The following SLC9A9 variants were observed in gnomAD, a reference collection of about 807,000 sequenced individuals.
SLC9A9 encodes sodium/hydrogen exchanger 9.
Under a neutral mutation model 77.8 loss-of-function variants are expected in SLC9A9, and 62 were observed. The ratio of observed to expected loss-of-function variants is 0.80; its 90% CI spans 0.65 to 0.98. The LOEUF is 0.98. Ranked by LOEUF, SLC9A9 falls within the 50% of genes least tolerant of loss-of-function variation. The probability of loss-of-function intolerance (pLI) is 0.00; values close to 1 mark genes in which losing one functional copy is unlikely to be tolerated. For synonymous variants in SLC9A9, 320 were observed against 283.5 expected (o/e 1.13, Z -1.29); for missense variants, 775 against 774.9 (o/e 1.00, Z 0.00).
In SLC9A9 at chr3:143,445,207, A is replaced by G. The variant is rs200077213; in HGVS notation, c.1469+21830T>C. On this transcript the variant is annotated intron_variant, in intron 12 of 15. Transcript: ENST00000316549. ...TCACTCTGCTGTTGTAGACCACTTC[A>G]GCTAGTTTTTGACACCTTAGATTTC... 2.0e-5 allele frequency among the ~76,000 whole-genome samples: 3 copies of G among 152,314 alleles called. No homozygotes were observed. The East Asian group carries it at 5.8e-4, about 29-fold the overall frequency.
intron 6 of SLC9A9, among the ~76,000 whole-genome samples, chr3:143,630,515 G>A (rs1165232007): frequency 6.6e-6 from 1 of 152,148 alleles, no homozygotes; most frequent in African/African-American, 2.4e-5. Flanking sequence ...AGAAGCTAAG[G>A]TAGATTATTT....
At chr3:143,356,926 A>G (rs994183475) in intron 14 of SLC9A9, among the ~76,000 whole-genome samples, 11 of 152,158 alleles carry the variant, frequency 7.2e-5, no homozygotes, top group African/African-American at 2.7e-4. Flanking sequence ...GCCAACCTAA[A>G]TACCCCAAAA....
intron 14 of SLC9A9, among the ~76,000 whole-genome samples, chr3:143,280,553 T>C (rs1264167816): frequency 6.7e-6 from 1 of 150,284 alleles, no homozygotes; most frequent in African/African-American, 2.5e-5. Context: ...TTTTTTTTTT[T>C]TTTTTTTTTT....
intron 14 of SLC9A9, among the ~76,000 whole-genome samples, chr3:143,345,532 T>C (rs2032237749): frequency 6.6e-6 from 1 of 152,146 alleles, no homozygotes; most frequent in Admixed American, 6.5e-5. Context: ...GTTGTTGAGA[T>C]GGAAACCAGA....
chr3:143,469,036 T>C (rs1293956970), intron 11 of SLC9A9, among the ~76,000 whole-genome samples: 8 of 152,164 alleles, frequency 5.3e-5, no homozygotes, highest in Non-Finnish European at 1.5e-5. Context: ...GGCGCACACC[T>C]ATAGTCCCAA....
intron 5 of SLC9A9, among the ~76,000 whole-genome samples, chr3:143,665,102 A>C (rs1332561232): frequency 1.3e-5 from 2 of 152,254 alleles, no homozygotes; most frequent in Non-Finnish European, 2.9e-5. Flanking sequence ...ACTCCTCAGC[A>C]AATGTAAAAG....
At chr3:143,524,210 G>C (rs1226253506) in intron 9 of SLC9A9, among the ~76,000 whole-genome samples, 1 of 150,872 alleles carries the variant, frequency 6.6e-6, no homozygotes, top group Admixed American at 6.6e-5. Flanking sequence ...AGATCTAACA[G>C]CCTGAAGAAA....
chr3:143,277,212 G>A (rs970840969), intron 14 of SLC9A9, among the ~76,000 whole-genome samples: 2 of 152,240 alleles, frequency 1.3e-5, no homozygotes, highest in Non-Finnish European at 2.9e-5. Context: ...GAATCATGAG[G>A]CTGGAGGAAA....
intron 14 of SLC9A9, among the ~76,000 whole-genome samples, chr3:143,309,501 C>G (rs570195248): frequency 6.6e-6 from 1 of 151,404 alleles, no homozygotes; most frequent in Non-Finnish European, 1.5e-5. Context: ...CCCTGGACAC[C>G]TGACTCAGGC....
At chr3:143,816,832 T>C (rs977939373) in intron 2 of SLC9A9, among the ~76,000 whole-genome samples, 14 of 152,244 alleles carry the variant, frequency 9.2e-5, no homozygotes, top group Admixed American at 5.2e-4. Flanking sequence ...AATTTCTAAT[T>C]TTTGGCAATC....
intron 8 of SLC9A9, among the ~76,000 whole-genome samples, chr3:143,562,087 C>G (rs537431691): frequency 1.4e-4 from 21 of 152,288 alleles, no homozygotes; most frequent in Non-Finnish European, 2.6e-4. Context: ...TGCTAGTTAT[C>G]TATTGAGATC....
At chr3:143,413,386 G>A (rs1433065207) in intron 12 of SLC9A9, among the ~76,000 whole-genome samples, 1 of 152,100 alleles carries the variant, frequency 6.6e-6, no homozygotes, top group Non-Finnish European at 1.5e-5. Flanking sequence ...TCAAGAGTTG[G>A]GGGTTGCCGT....
intron 8 of SLC9A9, among the ~76,000 whole-genome samples, chr3:143,562,095 A>C (rs2037097862): frequency 6.6e-6 from 1 of 152,220 alleles, no homozygotes; most frequent in South Asian, 2.1e-4. Context: ...ATCTATTGAG[A>C]TCCTATACTG....
intron 4 of SLC9A9, among the ~76,000 whole-genome samples, chr3:143,777,120 C>A (rs1269927003): frequency 6.6e-6 from 1 of 152,126 alleles, no homozygotes; most frequent in Non-Finnish European, 1.5e-5. Flanking sequence ...AAATACCAGT[C>A]TGGTGTTGGA....
intron 14 of SLC9A9, among the ~76,000 whole-genome samples, chr3:143,302,313 C>T (rs1039065757): frequency 6.6e-6 from 1 of 152,080 alleles, no homozygotes; most frequent in African/African-American, 2.4e-5. Context: ...GCATACTGCC[C>T]AGAATACAGT....
chr3:143,846,010 G>A (rs545221004), intron 1 of SLC9A9, among the ~76,000 whole-genome samples: 2 of 152,242 alleles, frequency 1.3e-5, no homozygotes, highest in East Asian at 3.9e-4. Flanking sequence ...TACCTCAATA[G>A]CAGTGGTCAA....
At chr3:143,279,273 G>A (rs1938146484) in intron 14 of SLC9A9, among the ~76,000 whole-genome samples, 1 of 152,100 alleles carries the variant, frequency 6.6e-6, no homozygotes, top group Admixed American at 6.5e-5. Context: ...ACTGCTCATT[G>A]TTTCATGACT....
chr3:143,532,412 T>A (rs377689140), intron 9 of SLC9A9, among the ~76,000 whole-genome samples: 1 of 152,316 alleles, frequency 6.6e-6, no homozygotes, highest in Non-Finnish European at 1.5e-5. Context: ...GAGGTCCTGT[T>A]ATCAAAAAGC....
intron 12 of SLC9A9, among the ~76,000 whole-genome samples, chr3:143,404,371 C>A (rs1303271562): frequency 6.6e-6 from 1 of 151,904 alleles, no homozygotes; most frequent in Admixed American, 6.6e-5. Flanking sequence ...AGGTTCTCAC[C>A]ATGTTGGCTA....
Sources: allele counts gnomAD v4.1 joint callset (sites outside exome capture counted in the v4.1 genomes callset), GRCh38; gene constraint gnomAD v4.1.1; transcripts MANE v1.5; gene names NCBI Gene and HGNC (gene_info 2026-07-23, HGNC 2026-07-21).